The following CNTN5 variants were observed in gnomAD, a reference collection of about 807,000 sequenced individuals.
CNTN5 encodes contactin-5.
A neutral mutation model predicts 129.1 loss-of-function variants in CNTN5; 77 were observed. The observed-to-expected ratio is 0.60, with a 90% confidence interval of 0.50 to 0.72. The LOEUF (loss-of-function observed/expected upper bound fraction) is 0.72. CNTN5 is among the 30% of genes least tolerant of loss of function. CNTN5 has a pLI of 0.00. For missense variants in CNTN5, 1,478 were observed against 1,328.8 expected (o/e 1.11, Z -1.75); for synonymous variants, 509 against 465.6 (o/e 1.09, Z -1.20).
chr11:99,295,096 C>G (rs563942482), intron 1 of CNTN5, among the ~76,000 whole-genome samples: 24 of 151,286 alleles, frequency 1.6e-4, no homozygotes, highest in African/African-American at 5.8e-4. Context: ...GATGGCTGCA[C>G]GCAAACATTT....
intron 2 of CNTN5, among the ~76,000 whole-genome samples, chr11:99,338,947 T>C (rs1591542263): frequency 7.4e-6 from 1 of 135,948 alleles, no homozygotes; most frequent in Non-Finnish European, 1.6e-5. Flanking sequence ...TATATATATA[T>C]CTGTGATATA....
intron 15 of CNTN5, among the ~76,000 whole-genome samples, chr11:100,205,270 T>A (rs1327410158): frequency 6.6e-6 from 1 of 152,052 alleles, no homozygotes; most frequent in East Asian, 1.9e-4. Flanking sequence ...AAAGGGTGAC[T>A]AAGTGTTATG....
chr11:99,378,243 T>C, intron 2 of CNTN5, among the ~76,000 whole-genome samples: 1 of 152,162 alleles, frequency 6.6e-6, no homozygotes, highest in East Asian at 1.9e-4. Context: ...TGAACTTCCT[T>C]GTTAACTCAT....
intron 1 of CNTN5, among the ~76,000 whole-genome samples, chr11:99,107,644 A>C (rs1842683067): frequency 6.6e-6 from 1 of 152,028 alleles, no homozygotes; most frequent in African/African-American, 2.4e-5. Flanking sequence ...ATCTTAAACT[A>C]GTGTCGGCTG....
chr11:100,346,367 A>G (rs1952279660), intron 23 of CNTN5, among the ~76,000 whole-genome samples: 1 of 152,154 alleles, frequency 6.6e-6, no homozygotes, highest in Admixed American at 6.6e-5. Flanking sequence ...ATTTTTCTTT[A>G]CACGATGAAA....
intron 3 of CNTN5, among the ~76,000 whole-genome samples, chr11:99,730,159 A>G (rs1460178028): frequency 6.6e-6 from 1 of 152,292 alleles, no homozygotes; most frequent in Admixed American, 6.5e-5. Flanking sequence ...TATATTGTGA[A>G]TAACTATTAA....
intron 3 of CNTN5, among the ~76,000 whole-genome samples, chr11:99,612,911 G>A (rs527972051): frequency 2.0e-5 from 3 of 152,266 alleles, no homozygotes; most frequent in African/African-American, 7.2e-5. Flanking sequence ...AGAGGAGCGG[G>A]CAAGGAACTG....
At chr11:99,496,778 G>A (rs950095233) in intron 2 of CNTN5, among the ~76,000 whole-genome samples, 2 of 152,200 alleles carry the variant, frequency 1.3e-5, no homozygotes, top group African/African-American at 4.8e-5. Flanking sequence ...AGTAACTGGG[G>A]TTGGATGTTG....
At chr11:99,290,303 C>T (rs1283211702) in intron 1 of CNTN5, among the ~76,000 whole-genome samples, 5 of 151,710 alleles carry the variant, frequency 3.3e-5, no homozygotes, top group Non-Finnish European at 7.4e-5. Context: ...AATACTTGTG[C>T]TTGTAATTTT....
Position 99,845,165 on chromosome 11 carries a change from C to A in CNTN5, c.480C>A (p.Ser160Arg), listed in dbSNP as rs61749256. ...YSLIDGTFII[S>R]NPSEAKDSGH... is the part of the protein sequence containing the mutation. ...TGATAGATGGCACCTTCATTATAAG[C>A]AATCCAAGTGAAGCAAAGGATTCTG... The change falls in exon 6 of 25, where the codon AGC (serine) becomes AGA (arginine). Residue 160 changes from serine to arginine, a missense_variant. Coordinates refer to ENST00000524871, the MANE Select transcript of CNTN5 (RefSeq NM_014361.4). The A allele has an allele frequency of 1.9e-6, 3 of 1,613,516 alleles. No individual in the cohort carries two copies. The highest frequency in any genetic ancestry group is 2.5e-6 in the Non-Finnish European group (3 of 1,179,764).
chr11:99,522,699 G>A (rs1434250377), intron 2 of CNTN5, among the ~76,000 whole-genome samples: 1 of 152,176 alleles, frequency 6.6e-6, no homozygotes, highest in African/African-American at 2.4e-5. Context: ...GATTAATATA[G>A]TAGGAATGAA....
intron 1 of CNTN5, among the ~76,000 whole-genome samples, chr11:99,223,692 A>G (rs1206028574): frequency 4.6e-5 from 7 of 152,158 alleles, no homozygotes; most frequent in Non-Finnish European, 1.0e-4. Flanking sequence ...TTATTCCAGG[A>G]ACTCATTCCA....
intron 3 of CNTN5, among the ~76,000 whole-genome samples, chr11:99,623,857 T>C (rs1240606881): frequency 2.0e-5 from 3 of 152,098 alleles, no homozygotes; most frequent in African/African-American, 7.2e-5. Flanking sequence ...CCTGGATAGC[T>C]ATCAAAACCT....
intron 1 of CNTN5, among the ~76,000 whole-genome samples, chr11:99,148,184 G>A (rs538596847): frequency 6.6e-6 from 1 of 151,970 alleles, no homozygotes; most frequent in East Asian, 1.9e-4. Flanking sequence ...ACTAAAAAGG[G>A]CCTTTTAAAA....
chr11:99,890,157 A>G (rs1031646201), intron 6 of CNTN5, among the ~76,000 whole-genome samples: 3 of 152,236 alleles, frequency 2.0e-5, no homozygotes, highest in African/African-American at 4.8e-5. Flanking sequence ...TAAAAAAGCA[A>G]TAAAGTGGAA....
chr11:99,231,173 A>G (rs1860975139), intron 1 of CNTN5, among the ~76,000 whole-genome samples: 1 of 152,168 alleles, frequency 6.6e-6, no homozygotes, highest in Non-Finnish European at 1.5e-5. Context: ...ATACCCAGTA[A>G]CGGAATTGCT....
intron 1 of CNTN5, among the ~76,000 whole-genome samples, chr11:99,212,178 G>A (rs1205786470): frequency 1.3e-5 from 2 of 152,116 alleles, no homozygotes; most frequent in African/African-American, 2.4e-5. Context: ...TGGGTTGCAC[G>A]TGTTCTGGGA....
intron 2 of CNTN5, among the ~76,000 whole-genome samples, chr11:99,429,063 C>G (rs1943255599): frequency 6.6e-6 from 1 of 152,068 alleles, no homozygotes; most frequent in African/African-American, 2.4e-5. Flanking sequence ...TATAAAACCT[C>G]TGGAAAAATA....
intron 1 of CNTN5, among the ~76,000 whole-genome samples, chr11:99,204,938 A>C (rs1416222046): frequency 6.6e-6 from 1 of 152,198 alleles, no homozygotes; most frequent in Non-Finnish European, 1.5e-5. Flanking sequence ...TCCAGAAAAT[A>C]TTGATCCGAG....
Sources: allele counts gnomAD v4.1 joint callset (sites outside exome capture counted in the v4.1 genomes callset), GRCh38; gene constraint gnomAD v4.1.1; transcripts MANE v1.5; gene names NCBI Gene and HGNC (gene_info 2026-07-23, HGNC 2026-07-21).